The following ZSWIM6 variants were observed in gnomAD, a reference collection of about 807,000 sequenced individuals.
ZSWIM6 encodes the protein zinc finger SWIM-type containing 6, also known as zinc finger SWIM domain-containing protein 6.
ZSWIM6 carries 9 observed loss-of-function variants against 113.2 expected under a neutral mutation model. The observed-to-expected ratio is 0.08, with a 90% CI of 0.05 to 0.14. ZSWIM6 has a LOEUF of 0.14. ZSWIM6 is among the 10% of genes least tolerant of loss of function. The pLI is 1.00. For missense variants in ZSWIM6, 1,162 were observed against 1,552.2 expected, an observed-to-expected ratio of 0.75 and a Z score of 4.22; for synonymous variants, 611 against 606.5, an observed-to-expected ratio of 1.01 and a Z score of -0.11.
intron 1 of ZSWIM6, among the ~76,000 whole-genome samples, chr5:61,401,094 C>A (rs1048831514): frequency 1.3e-5 from 2 of 152,080 alleles, no homozygotes; most frequent in African/African-American, 2.4e-5. Flanking sequence ...TTCCCCCCGA[C>A]AATTATTATG....
At chr5:61,371,668 G>A (rs1745264540) in intron 1 of ZSWIM6, among the ~76,000 whole-genome samples, 1 of 152,168 alleles carries the variant, frequency 6.6e-6, no homozygotes, top group African/African-American at 2.4e-5. Context: ...AGGCGTCCAG[G>A]GAGCAATTAG....
At chr5:61,359,132 G>T (rs1223170729) in intron 1 of ZSWIM6, among the ~76,000 whole-genome samples, 1 of 152,186 alleles carries the variant, frequency 6.6e-6, no homozygotes, top group African/African-American at 2.4e-5. Context: ...CTCTCAATGA[G>T]ATGGAAAGGA....
intron 1 of ZSWIM6, among the ~76,000 whole-genome samples, chr5:61,421,672 T>C (rs1267447197): frequency 6.6e-6 from 1 of 152,188 alleles, no homozygotes; most frequent in Admixed American, 6.5e-5. Context: ...GTTGTTCCCT[T>C]CTTTGTGTCC....
chr5:61,386,458 C>A (rs1359929221), intron 1 of ZSWIM6, among the ~76,000 whole-genome samples: 1 of 152,164 alleles, frequency 6.6e-6, no homozygotes, highest in African/African-American at 2.4e-5. Flanking sequence ...TTTTGATTTA[C>A]ATTTTTTTTA....
At position 61,338,909 on chromosome 5, in the gene ZSWIM6, A is replaced by T. The variant is rs142433948; in HGVS notation, c.676+5961A>T. ...CCCTTGGAACATGTCCTTTAATAGA[A>T]TTATTGCAATTAATTGAACAGTTTA... On this transcript the variant is annotated intron_variant, in intron 1 of 13. Coordinates refer to ENST00000252744, the MANE Select transcript of ZSWIM6 (RefSeq NM_020928.2). Among the ~76,000 whole-genome samples, 61 of 152,280 alleles carry T rather than the reference A, an allele frequency of 4.0e-4. No homozygotes were observed. The East Asian group carries it at 8.9e-3, about 22-fold the overall frequency.
chr5:61,393,809 T>G lies in ZSWIM6; in HGVS notation c.676+60861T>G, dbSNP rs184078992. Among the ~76,000 whole-genome samples the G allele has an allele frequency of 5.9e-5, 9 of 152,284 alleles. No individual in the cohort carries two copies. In the East Asian group the frequency reaches 1.7e-3, roughly 29 times the overall value. ...GTAGGGCAAAAATCATTCAGATTGC[T>G]AGACTTGAGGGTTCTTGGGTCTGGT... On this transcript the variant is annotated intron_variant, in intron 1 of 13. Transcript: ENST00000252744.
At chr5:61,479,189 T>G (rs897111062) in intron 2 of ZSWIM6, among the ~76,000 whole-genome samples, 4 of 151,914 alleles carry the variant, frequency 2.6e-5, no homozygotes, top group African/African-American at 9.7e-5. Flanking sequence ...AAAAAGTGTT[T>G]TAAAAAAACA....
intron 1 of ZSWIM6, among the ~76,000 whole-genome samples, chr5:61,418,758 T>A (rs1162580536): frequency 6.6e-6 from 1 of 152,188 alleles, no homozygotes; most frequent in African/African-American, 2.4e-5. Context: ...AGTGTTATTA[T>A]TAGAGAAATA....
chr5:61,352,536 A>T (rs1744813595), intron 1 of ZSWIM6, among the ~76,000 whole-genome samples: 1 of 152,178 alleles, frequency 6.6e-6, no homozygotes, highest in Non-Finnish European at 1.5e-5. Context: ...ATTGCTTCAC[A>T]CCCATCACAC....
intron 1 of ZSWIM6, among the ~76,000 whole-genome samples, chr5:61,423,455 G>A (rs1746396908): frequency 6.6e-6 from 1 of 151,582 alleles, no homozygotes; most frequent in African/African-American, 2.4e-5. Context: ...ACAAAAAACA[G>A]TGGTGAAAAT....
At chr5:61,407,944 T>C (rs761166290) in intron 1 of ZSWIM6, among the ~76,000 whole-genome samples, 27 of 152,210 alleles carry the variant, frequency 1.8e-4, no homozygotes, top group Non-Finnish European at 3.7e-4. Context: ...AGTTTGCTGT[T>C]ACCTCTCAGA....
intron 1 of ZSWIM6, among the ~76,000 whole-genome samples, chr5:61,426,771 G>A (rs1579990711): frequency 1.3e-5 from 2 of 150,980 alleles, no homozygotes; most frequent in Non-Finnish European, 3.0e-5. Context: ...TTTTCTAATA[G>A]AACATTTCTT....
chr5:61,453,364 T>A (rs1429972225), intron 1 of ZSWIM6, among the ~76,000 whole-genome samples: 1 of 148,858 alleles, frequency 6.7e-6, no homozygotes, highest in Non-Finnish European at 1.5e-5. Context: ...ACACTTTACG[T>A]CCACTCTCTC....
In ZSWIM6 at chr5:61,453,714, C is replaced by CT. The variant is rs549126032; in HGVS notation, c.677-18955dup. Among the ~76,000 whole-genome samples, 66 of 145,000 alleles carry CT rather than the reference C, an allele frequency of 4.6e-4. No individual in the cohort carries two copies. The Middle Eastern group carries it at 0.011, about 23-fold the overall frequency. ...TAGCATTTTTCAAGAATAACCATGC[C>CT]TTTTTTTTTTTTAAATTATTATTAG... On this transcript the variant is annotated intron_variant, in intron 1 of 13. Coordinates refer to ENST00000252744, the MANE Select transcript of ZSWIM6 (RefSeq NM_020928.2).
intron 1 of ZSWIM6, among the ~76,000 whole-genome samples, chr5:61,364,206 G>C (rs1333919090): frequency 6.6e-6 from 1 of 151,760 alleles, no homozygotes; most frequent in African/African-American, 2.4e-5. Context: ...CACCATGCCC[G>C]GCCCATAGTT....
At chr5:61,523,263 C>G (rs1373404974) in intron 5 of ZSWIM6, among the ~76,000 whole-genome samples, 1 of 152,178 alleles carries the variant, frequency 6.6e-6, no homozygotes, top group African/African-American at 2.4e-5. Context: ...GCCATTGCAG[C>G]TGGACTGAGT....
intron 1 of ZSWIM6, among the ~76,000 whole-genome samples, chr5:61,409,082 T>G (rs1290365880): frequency 4.1e-5 from 5 of 121,046 alleles, no homozygotes; most frequent in Admixed American, 1.6e-4. Flanking sequence ...TTTTTTTTTT[T>G]TTTTTTTTTT....
At chr5:61,380,077 C>T (rs1441393426) in intron 1 of ZSWIM6, among the ~76,000 whole-genome samples, 1 of 151,672 alleles carries the variant, frequency 6.6e-6, no homozygotes, top group African/African-American at 2.4e-5. Flanking sequence ...TACTAGATTT[C>T]TTTTTTTTCT....
chr5:61,358,374 GTTA>G (rs935191082), intron 1 of ZSWIM6, among the ~76,000 whole-genome samples: 1 of 152,146 alleles, frequency 6.6e-6, no homozygotes, highest in Non-Finnish European at 1.5e-5. Context: ...TTTAACTGCT[GTTA>G]TTTGAAGCAG....
Sources: gnomAD v4.1 joint callset for allele counts (sites outside exome capture counted in the v4.1 genomes callset) on GRCh38, gnomAD v4.1.1 for gene constraint, MANE v1.5 for transcripts, NCBI Gene and HGNC (gene_info 2026-07-23, HGNC 2026-07-21) for gene names.